Variants in ARSG observed in about 807,000 individuals in gnomAD.
The protein encoded by ARSG is arylsulfatase G.
In ARSG, 37 loss-of-function variants were observed where a neutral mutation model predicts 50.5. That is an observed-to-expected ratio of 0.73 (90% CI 0.56 to 0.96). The LOEUF (loss-of-function observed/expected upper bound fraction) is 0.96. Ranked by LOEUF, ARSG falls within the 50% of genes least tolerant of loss-of-function variation. The pLI is 0.00. For synonymous variants in ARSG, 225 were observed against 254.6 expected (o/e 0.88, Z 1.11); for missense variants, 629 against 675.3 (o/e 0.93, Z 0.76).
intron 1 of ARSG, among the ~76,000 whole-genome samples, chr17:68,279,647 C>T (rs2075630808): frequency 6.6e-6 from 1 of 152,182 alleles, no homozygotes; most frequent in African/African-American, 2.4e-5. Context: ...CTGCAATAAA[C>T]ATCAGAACAA....
chr17:68,296,786 A>T (rs2076224182), intron 1 of ARSG, among the ~76,000 whole-genome samples: 1 of 152,114 alleles, frequency 6.6e-6, no homozygotes, highest in Non-Finnish European at 1.5e-5. Flanking sequence ...CTTCTCTCAT[A>T]GTGTGTATAG....
intron 1 of ARSG, among the ~76,000 whole-genome samples, chr17:68,269,820 T>C (rs1555747877): frequency 6.6e-6 from 1 of 151,916 alleles, no homozygotes; most frequent in Non-Finnish European, 1.5e-5. Flanking sequence ...ATTAGAGGTG[T>C]CTGCCACCAT....
At chr17:68,387,961 G>A (rs976197154) in intron 9 of ARSG, among the ~76,000 whole-genome samples, 2 of 152,194 alleles carry the variant, frequency 1.3e-5, no homozygotes, top group Admixed American at 1.3e-4. Context: ...GTTAATATCG[G>A]TGTGTACCTG....
chr17:68,275,046 T>C (rs1187747978), intron 1 of ARSG, among the ~76,000 whole-genome samples: 2 of 152,098 alleles, frequency 1.3e-5, no homozygotes, highest in African/African-American at 4.8e-5. Flanking sequence ...TCCCAAAGTG[T>C]TGGGATTACA....
intron 10 of ARSG, among the ~76,000 whole-genome samples, chr17:68,397,518 T>A (rs948330687): frequency 2.6e-5 from 4 of 152,166 alleles, no homozygotes; most frequent in African/African-American, 7.2e-5. Context: ...TCTTCTCTAG[T>A]CAGTCCTCTC....
chr17:68,325,426 A>C (rs888567563), intron 2 of ARSG, among the ~76,000 whole-genome samples: 2 of 152,108 alleles, frequency 1.3e-5, no homozygotes, highest in Non-Finnish European at 2.9e-5. Flanking sequence ...ATTACAATAT[A>C]ATAATAATAG....
chr17:68,435,193 C>G, the ARSG span, among the ~76,000 whole-genome samples: 1 of 139,978 alleles, frequency 7.1e-6, no homozygotes, highest in Non-Finnish European at 1.5e-5. Flanking sequence ...GGCGACAGAG[C>G]TAGACTCCAC....
At chr17:68,298,314 T>C (rs1568433282) in intron 1 of ARSG, among the ~76,000 whole-genome samples, 1 of 152,026 alleles carries the variant, frequency 6.6e-6, no homozygotes, top group African/African-American at 2.4e-5. Flanking sequence ...TAAAATACCA[T>C]GGACTAGGCT....
At chr17:68,317,223 C>G (rs1419076831) in intron 2 of ARSG, among the ~76,000 whole-genome samples, 5 of 152,120 alleles carry the variant, frequency 3.3e-5, no homozygotes, top group African/African-American at 1.2e-4. Flanking sequence ...CTTCTAAACT[C>G]TATTTACATG....
At chr17:68,346,922 G>A (rs747976739) in intron 3 of ARSG, 2 of 1,495,678 alleles carry the variant, frequency 1.3e-6, no homozygotes, top group East Asian at 5.3e-5. Flanking sequence ...TGTGAGTCTG[G>A]GGTCATCCTT....
At chr17:68,372,704 G>A (rs1258578861) in intron 8 of ARSG, among the ~76,000 whole-genome samples, 1 of 152,074 alleles carries the variant, frequency 6.6e-6, no homozygotes, top group East Asian at 1.9e-4. Context: ...GAGCCAAACC[G>A]TATCAGGCTG....
chr17:68,435,805 CCTT>C, the ARSG span: 1 of 1,162,206 alleles, frequency 8.6e-7, no homozygotes, highest in African/African-American at 1.5e-5. Flanking sequence ...CTTTCTCCCT[CCTT>C]TGTCCAGCTC....
At chr17:68,338,010 A>AC (rs1199901593) in intron 2 of ARSG, among the ~76,000 whole-genome samples, 1 of 151,688 alleles carries the variant, frequency 6.6e-6, no homozygotes, top group Non-Finnish European at 1.5e-5. Flanking sequence ...TCCGAGGAAA[A>AC]CCCCCCAGGC....
Position 68,394,503 on chromosome 17 carries a change from G to A in ARSG, c.1092-570G>A, listed in dbSNP as rs145447973. 8.9e-3 allele frequency among the ~76,000 whole-genome samples: 1,357 copies of A among 152,174 alleles called. 23 individuals carry two copies. The highest frequency in any genetic ancestry group is 0.031 in the African/African-American group (1,282 of 41,510). On this transcript the variant is annotated intron_variant, in intron 9 of 11. Coordinates refer to ENST00000621439, the MANE Select transcript of ARSG (RefSeq NM_001267727.2). ...AACAAAGAAATCTTGTAGGTGTGGTGGTACATGCTTGTAGTCCCAGCTACT... is the reference window on the plus strand; with the variant it reads ...AACAAAGAAATCTTGTAGGTGTGGTAGTACATGCTTGTAGTCCCAGCTACT...
rs148639419 is a variant in ARSG, at chr17:68,346,953, G to A, written c.407-172G>A. 5.6e-4 allele frequency: 848 copies of A among 1,516,236 alleles called. 4 individuals carry two copies. The African/African-American group carries it at 9.8e-3, about 18-fold the overall frequency. 93.9% of individuals were successfully genotyped at this position (1,516,236 alleles called of 1,614,324 possible). The stretch of plus-strand genomic sequence containing the variant: ...TCCTTTATGTGTCCCTGTGGACACC[G>A]TCTCGGCCCCAGAGAGCAAAGCCTG... On this transcript the variant is annotated intron_variant, in intron 3 of 11. Coordinates refer to ENST00000621439, the MANE Select transcript of ARSG (RefSeq NM_001267727.2).
intron 11 of ARSG, among the ~76,000 whole-genome samples, chr17:68,410,253 G>T (rs2081938924): frequency 7.7e-6 from 1 of 130,570 alleles, no homozygotes; most frequent in Admixed American, 7.9e-5. Flanking sequence ...GATATTGGCT[G>T]TGGGTTTGTC....
chr17:68,317,398 G>A (rs942475285), intron 2 of ARSG, among the ~76,000 whole-genome samples: 4 of 151,936 alleles, frequency 2.6e-5, no homozygotes, highest in Admixed American at 6.6e-5. Flanking sequence ...TGTGGGGGTC[G>A]ATTATGTGGT....
At chr17:68,436,502 T>G in the ARSG span, 1 of 1,608,026 alleles carries the variant, frequency 6.2e-7, no homozygotes, top group Non-Finnish European at 8.5e-7. Flanking sequence ...AAACAGAACA[T>G]GAGAAGCCTG....
chr17:68,356,617 C>T, intron 5 of ARSG, 50 bp from the exon 6 acceptor site: 1 of 1,607,850 alleles, frequency 6.2e-7, no homozygotes, highest in Non-Finnish European at 8.5e-7. Context: ...TAGTTCTGCT[C>T]CGTGAGTACG....
Sources: allele counts gnomAD v4.1 joint callset (sites outside exome capture counted in the v4.1 genomes callset), GRCh38; gene constraint gnomAD v4.1.1; transcripts MANE v1.5; gene names NCBI Gene and HGNC (gene_info 2026-07-23, HGNC 2026-07-21).